Variants in CACNA2D1 observed in about 807,000 individuals in gnomAD.
CACNA2D1 encodes calcium voltage-gated channel auxiliary subunit alpha2delta 1.
Under a neutral mutation model 171.5 loss-of-function variants are expected in CACNA2D1, and 53 were observed. The observed-to-expected ratio is 0.31, with a 90% CI of 0.25 to 0.39. The LOEUF (loss-of-function observed/expected upper bound fraction) is 0.39, where lower values mean the gene tolerates loss of function less well. CACNA2D1 is among the 10% of genes least tolerant of loss of function. The pLI, the probability that CACNA2D1 is intolerant of heterozygous loss-of-function variation, is 1.00. For synonymous variants in CACNA2D1, 442 were observed against 443.1 expected (o/e 1.00, Z 0.03); for missense variants, 903 against 1,299.8 (o/e 0.69, Z 4.69).
intron 1 of CACNA2D1, among the ~76,000 whole-genome samples, chr7:82,425,584 G>A (rs989389316): frequency 2.2e-4 from 32 of 146,808 alleles, no homozygotes; most frequent in East Asian, 6.2e-4. Context: ...CTCTGTTGCC[G>A]AGGCTGGAGT....
intron 3 of CACNA2D1, among the ~76,000 whole-genome samples, chr7:82,239,514 C>G (rs1377619998): frequency 6.6e-6 from 1 of 152,068 alleles, no homozygotes; most frequent in Non-Finnish European, 1.5e-5. Context: ...AATAATTGTG[C>G]TATTTAAATG....
At chr7:82,289,128 A>G (rs190706395) in intron 3 of CACNA2D1, among the ~76,000 whole-genome samples, 4 of 152,316 alleles carry the variant, frequency 2.6e-5, no homozygotes, top group African/African-American at 7.2e-5. Flanking sequence ...AATGAATGCT[A>G]TTTGTTTATG....
intron 38 of CACNA2D1, among the ~76,000 whole-genome samples, chr7:81,953,374 C>T (rs1199730260): frequency 6.6e-6 from 1 of 152,042 alleles, no homozygotes; most frequent in Admixed American, 6.6e-5. Flanking sequence ...TGGAGCCTGG[C>T]TGTCTCATCT....
chr7:82,432,473 A>C (rs1829770499), intron 1 of CACNA2D1, among the ~76,000 whole-genome samples: 1 of 152,218 alleles, frequency 6.6e-6, no homozygotes. Context: ...GTGAGGTTTA[A>C]CCAAGGATAT....
At chr7:82,429,839 A>G (rs1167585437) in intron 1 of CACNA2D1, among the ~76,000 whole-genome samples, 2 of 152,162 alleles carry the variant, frequency 1.3e-5, no homozygotes, top group Non-Finnish European at 2.9e-5. Context: ...ATTAATGCCA[A>G]TTTCTACACT....
intron 6 of CACNA2D1, among the ~76,000 whole-genome samples, chr7:82,100,752 A>C (rs1412032944): frequency 2.6e-5 from 4 of 152,094 alleles, no homozygotes. Context: ...GGTATTCTAA[A>C]TATTTCAATT....
chr7:82,343,991 C>CATATTGTAAAATATGT (rs1818971427), intron 2 of CACNA2D1, among the ~76,000 whole-genome samples: 1 of 152,164 alleles, frequency 6.6e-6, no homozygotes, highest in Non-Finnish European at 1.5e-5. Context: ...AATGCTGATA[C>CATATTGTAAAATATGT]ACAATTTTAC....
chr7:82,353,410 G>A (rs979128528), intron 1 of CACNA2D1, among the ~76,000 whole-genome samples: 6 of 152,214 alleles, frequency 3.9e-5, no homozygotes, highest in Non-Finnish European at 8.8e-5. Context: ...TTATTGGTTC[G>A]ATTAGAGGTG....
intron 3 of CACNA2D1, among the ~76,000 whole-genome samples, chr7:82,305,587 T>C (rs1424450339): frequency 6.6e-6 from 1 of 152,202 alleles, no homozygotes; most frequent in Admixed American, 6.5e-5. Context: ...CTTTCTCTCC[T>C]ATAACCTGTC....
In CACNA2D1 at chr7:81,950,599, A is replaced by G. The variant is rs919191273; in HGVS notation, c.3160-91T>C. 3.3e-6 allele frequency: 5 copies of G among 1,495,302 alleles called. No individual in the cohort carries two copies. In the African/African-American group the frequency reaches 5.6e-5, roughly 17 times the overall value. The allele number at this position is 1,495,302 out of a possible 1,614,324, so 92.6% of individuals were successfully genotyped here. A position where few individuals can be genotyped will look rare whatever the true frequency, so the allele number is the denominator to read the frequency against. On this transcript the variant is annotated intron_variant, in intron 38 of 38. Transcript: ENST00000356860. ...TAACACATCTTTCAGAGTAATCCAT[A>G]TTTAGTTCACTTTCTGAACTTACCT...
chr7:82,064,440 A>T, intron 8 of CACNA2D1, 86 bp from the exon 9 acceptor site: 2 of 1,032,764 alleles, frequency 1.9e-6, no homozygotes, highest in Non-Finnish European at 3.0e-6. Flanking sequence ...TGACTCTGAG[A>T]CAAGGTTTTT....
intron 3 of CACNA2D1, among the ~76,000 whole-genome samples, chr7:82,235,122 A>G (rs1432851278): frequency 1.3e-5 from 2 of 152,166 alleles, no homozygotes; most frequent in Non-Finnish European, 2.9e-5. Context: ...ACATCTAACA[A>G]TGATATGCTT....
At chr7:81,969,202 G>C (rs1332714066) in intron 28 of CACNA2D1, among the ~76,000 whole-genome samples, 1 of 151,274 alleles carries the variant, frequency 6.6e-6, no homozygotes, top group Non-Finnish European at 1.5e-5. Context: ...TAATTAGCTT[G>C]GTTGCATCTG....
chr7:82,271,661 T>G (rs1808649286), intron 3 of CACNA2D1, among the ~76,000 whole-genome samples: 1 of 152,064 alleles, frequency 6.6e-6, no homozygotes, highest in African/African-American at 2.4e-5. Flanking sequence ...TATTTCTATT[T>G]GGAAGTTGAG....
At chr7:81,951,834 T>C (rs530824197) in intron 38 of CACNA2D1, among the ~76,000 whole-genome samples, 1 of 152,192 alleles carries the variant, frequency 6.6e-6, no homozygotes, top group Admixed American at 6.6e-5. Flanking sequence ...AATGACTTCT[T>C]TTCCTCAGGG....
intron 3 of CACNA2D1, among the ~76,000 whole-genome samples, chr7:82,218,695 A>G (rs75742816): frequency 0.085 from 12,920 of 152,174 alleles, 738 homozygotes; most frequent in Non-Finnish European, 0.11. Context: ...TAGCCACAAC[A>G]TAAGTTGTGT....
intron 4 of CACNA2D1, among the ~76,000 whole-genome samples, chr7:82,159,278 C>T (rs1198117261): frequency 6.6e-6 from 1 of 151,868 alleles, no homozygotes; most frequent in Non-Finnish European, 1.5e-5. Context: ...CAAGACAAAC[C>T]ATGACTTAAT....
At chr7:82,184,717 A>T (rs1340202406) in intron 3 of CACNA2D1, among the ~76,000 whole-genome samples, 5 of 152,178 alleles carry the variant, frequency 3.3e-5, no homozygotes, top group Non-Finnish European at 5.9e-5. Context: ...TTAAAATTAC[A>T]TTCATTATAC....
intron 1 of CACNA2D1, among the ~76,000 whole-genome samples, chr7:82,391,205 G>T (rs1321706234): frequency 6.6e-6 from 1 of 152,082 alleles, no homozygotes; most frequent in Non-Finnish European, 1.5e-5. Context: ...GAGTACCAAG[G>T]TGGGAAAAAA....
Sources: allele counts gnomAD v4.1 joint callset (sites outside exome capture counted in the v4.1 genomes callset), GRCh38; gene constraint gnomAD v4.1.1; transcripts MANE v1.5; gene names NCBI Gene and HGNC (gene_info 2026-07-23, HGNC 2026-07-21).